The following PAH variants were observed in gnomAD, a reference collection of about 807,000 sequenced individuals.
The protein encoded by PAH is phenylalanine hydroxylase.
PAH carries 64 observed loss-of-function variants against 62.0 expected under a neutral mutation model. That is an observed-to-expected ratio of 1.03 (90% CI 0.84 to 1.27). The LOEUF (loss-of-function observed/expected upper bound fraction) is 1.27, where lower values mean the gene tolerates loss of function less well. Ranked by LOEUF, PAH falls within the 50% of genes most tolerant of loss-of-function variation. The pLI is 0.00. For missense variants in PAH, 579 were observed against 542.8 expected, an observed-to-expected ratio of 1.07 and a Z score of -0.66; for synonymous variants, 195 against 196.2, an observed-to-expected ratio of 0.99 and a Z score of 0.05.
At chr12:102,892,967 T>A (rs1301889376) in intron 3 of PAH, among the ~76,000 whole-genome samples, 1 of 152,184 alleles carries the variant, frequency 6.6e-6, no homozygotes, top group African/African-American at 2.4e-5. Flanking sequence ...AATATATCAA[T>A]ATCGGCTCAT....
intron 1 of PAH, among the ~76,000 whole-genome samples, chr12:102,927,214 A>G (rs1245115979): frequency 6.6e-6 from 1 of 152,058 alleles, no homozygotes; most frequent in Non-Finnish European, 1.5e-5. Context: ...AGGCTGCCAA[A>G]ATGGAAGGCT....
intron 2 of PAH, among the ~76,000 whole-genome samples, chr12:102,908,837 CTTTT>C (rs3062641): frequency 1.7e-5 from 2 of 120,000 alleles, no homozygotes; most frequent in African/African-American, 3.2e-5. Flanking sequence ...CCTCATGTCT[CTTTT>C]TTTTTTTTTT....
At chr12:102,894,610 G>T (rs1014153402) in intron 3 of PAH, 125 bp downstream of exon 3, 1 of 783,392 alleles carries the variant, frequency 1.3e-6, no homozygotes, top group Non-Finnish European at 2.1e-6. Context: ...TTTTGCTTCC[G>T]CAAAATAACA....
intron 4 of PAH, among the ~76,000 whole-genome samples, chr12:102,875,574 G>A (rs1876527223): frequency 6.6e-6 from 1 of 152,186 alleles, no homozygotes; most frequent in Non-Finnish European, 1.5e-5. Flanking sequence ...GGTACACAGA[G>A]CAGAATCCCA....
intron 1 of PAH, among the ~76,000 whole-genome samples, chr12:102,927,282 T>G (rs1456155054): frequency 1.1e-5 from 1 of 93,964 alleles, no homozygotes; most frequent in Non-Finnish European, 2.2e-5. Context: ...TCAAAAAAGT[T>G]TTTTTTTTTT....
chr12:102,878,908 G>A (rs1718302), intron 3 of PAH, among the ~76,000 whole-genome samples: 134,543 of 152,144 alleles, frequency 0.88, 59,714 homozygotes, highest in African/African-American at 0.95. Context: ...TAGCTGATTT[G>A]AGATCACACC....
intron 2 of PAH, among the ~76,000 whole-genome samples, chr12:102,897,492 T>TATATATATATACATATATAA (rs1379613102): frequency 7.3e-4 from 100 of 137,374 alleles, no homozygotes; most frequent in African/African-American, 2.8e-3. Context: ...TATATATATA[T>TATATATATATACATATATAA]AATTCAAACT....
intron 1 of PAH, among the ~76,000 whole-genome samples, chr12:102,937,843 T>A (rs910445098): frequency 6.6e-6 from 1 of 152,238 alleles, no homozygotes; most frequent in African/African-American, 2.4e-5. Context: ...TAGCATTTCA[T>A]GTAGGATAAG....
intron 11 of PAH, among the ~76,000 whole-genome samples, chr12:102,840,885 C>T (rs1021381194): frequency 2.0e-5 from 3 of 152,110 alleles, no homozygotes; most frequent in African/African-American, 7.2e-5. Flanking sequence ...GAAAAAAGCT[C>T]TGAAATGGTT....
intron 1 of PAH, among the ~76,000 whole-genome samples, chr12:102,930,288 G>C (rs575834161): frequency 6.6e-6 from 1 of 152,060 alleles, no homozygotes; most frequent in Admixed American, 6.6e-5. Context: ...ATGAACTAAA[G>C]CTTTAGAGCC....
chr12:102,887,507 T>C (rs565789252), intron 3 of PAH, among the ~76,000 whole-genome samples: 4 of 152,262 alleles, frequency 2.6e-5, no homozygotes, highest in Non-Finnish European at 1.5e-5. Context: ...TAAGTGTCTA[T>C]GTCCACGGAG....
intron 8 of PAH, among the ~76,000 whole-genome samples, chr12:102,848,034 T>A (rs1874940758): frequency 6.6e-6 from 1 of 152,334 alleles, no homozygotes; most frequent in East Asian, 1.9e-4. Flanking sequence ...TTTTAGGGCT[T>A]GAGTTTTTCC....
At chr12:102,898,392 G>A (rs1877598627) in intron 2 of PAH, among the ~76,000 whole-genome samples, 2 of 152,274 alleles carry the variant, frequency 1.3e-5, no homozygotes, top group Admixed American at 6.5e-5. Flanking sequence ...GAAAACCAAG[G>A]AGTATCATAT....
chr12:102,950,494 A>T (rs1387193518), intron 1 of PAH: 1 of 152,332 alleles, frequency 6.6e-6, no homozygotes, highest in Non-Finnish European at 1.5e-5. Context: ...GAGCATTCCC[A>T]GGCCGCACCG....
chr12:102,914,401 G>T (rs1035221889), intron 1 of PAH: 2 of 152,682 alleles, frequency 1.3e-5, no homozygotes, highest in African/African-American at 4.8e-5. Flanking sequence ...GGCACCAAGT[G>T]CCCCCTTTTA....
chr12:102,916,887 C>T (rs887695055), intron 1 of PAH, among the ~76,000 whole-genome samples, 184 bp downstream of exon 1: 1 of 151,172 alleles, frequency 6.6e-6, no homozygotes, highest in Non-Finnish European at 1.5e-5. Flanking sequence ...GACAGATGTT[C>T]TCCTACTTAG....
In PAH at chr12:102,957,450, C is replaced by A. The variant is rs1348764320; in HGVS notation, c.-96+745G>T. 6.6e-6 allele frequency among the ~76,000 whole-genome samples: 1 copy of A among 150,884 alleles called. No individual in the cohort carries two copies. Among genetic ancestry groups the A allele is most frequent in the Admixed American group, 6.6e-5 (1 of 15,216 alleles). ...GCACGCACTGCAACAACAAACCCAG[C>A]TGAATGGAGAGTTTGCAAGGAGCGG... On this transcript the variant is annotated intron_variant, in intron 1 of 4. Transcript: ENST00000551337. The surrounding 1 kb of genome is among the most constrained non-coding windows in gnomAD (Gnocchi z 4.1).
Position 102,866,670 on chromosome 12 carries a change from G to A in PAH, c.442-7C>T. 1 of 1,612,190 alleles carries A rather than the reference G, an allele frequency of 6.2e-7. No homozygotes were observed. Among genetic ancestry groups the A allele is most frequent in the Non-Finnish European group, 8.5e-7 (1 of 1,178,284 alleles). On this transcript the variant is annotated splice_polypyrimidine_tract_variant and splice_region_variant and intron_variant, in intron 4 of 12. Transcript: ENST00000553106. ...ACACAGGATCTTTAAAACCCTAGGA[G>A]AAAAGAGACACCTGATTTTTCAAGG... is the stretch of plus-strand genomic sequence containing the variant.
upstream of PAH, chr12:102,917,550 C>T (rs1309232496): frequency 7.2e-6 from 2 of 278,424 alleles, no homozygotes; most frequent in East Asian, 9.0e-5. Flanking sequence ...ACTAAGCCTG[C>T]GACCGTCTGG....
Sources: gnomAD v4.1 joint callset for allele counts (sites outside exome capture counted in the v4.1 genomes callset) on GRCh38, gnomAD v4.1.1 for gene constraint, Gnocchi (gnomAD v3.1) non-coding constraint, MANE v1.5 for transcripts, NCBI Gene and HGNC (gene_info 2026-07-23, HGNC 2026-07-21) for gene names.